The following PTH2R variants were observed in gnomAD, a reference collection of about 807,000 sequenced individuals.
PTH2R encodes the protein parathyroid hormone 2 receptor.
Under a neutral mutation model 60.3 loss-of-function variants are expected in PTH2R, and 59 were observed. The observed-to-expected ratio is 0.98, with a 90% CI of 0.79 to 1.22. PTH2R has a LOEUF of 1.22. Among genes scored for constraint, PTH2R ranks in the 50% most tolerant of loss-of-function variants. The pLI is 0.00. For synonymous variants in PTH2R, 256 were observed against 243.8 expected, an observed-to-expected ratio of 1.05 and a Z score of -0.47; for missense variants, 749 against 682.6, an observed-to-expected ratio of 1.10 and a Z score of -1.08.
upstream of PTH2R, among the ~76,000 whole-genome samples, chr2:208,404,205 T>C (rs1048412980): frequency 2.0e-5 from 3 of 152,198 alleles, no homozygotes; most frequent in East Asian, 5.8e-4. Context: ...AGTTCTCATC[T>C]AATTATTTGA....
chr2:208,467,885 A>G (rs1195820467), intron 9 of PTH2R, among the ~76,000 whole-genome samples: 5 of 152,196 alleles, frequency 3.3e-5, no homozygotes, highest in Admixed American at 2.0e-4. Flanking sequence ...GAAAGTACAT[A>G]CAAGTTTTCT....
intron 10 of PTH2R, among the ~76,000 whole-genome samples, chr2:208,485,218 G>A (rs1283560852): frequency 6.6e-6 from 1 of 152,194 alleles, no homozygotes; most frequent in African/African-American, 2.4e-5. Flanking sequence ...CTCACCTGGA[G>A]AGACATCACC....
intron 7 of PTH2R, among the ~76,000 whole-genome samples, chr2:208,449,022 A>G (rs937079270): frequency 6.6e-6 from 1 of 152,226 alleles, no homozygotes; most frequent in Admixed American, 6.5e-5. Flanking sequence ...AACAGCATTC[A>G]GGAAGTACCT....
At chr2:208,386,016 T>C (rs1429011220) in intron 1 of PTH2R, among the ~76,000 whole-genome samples, 2 of 152,228 alleles carry the variant, frequency 1.3e-5, no homozygotes, top group Non-Finnish European at 2.9e-5. Context: ...AGCAGCTAAA[T>C]TACTGTTCTC....
At chr2:208,364,230 C>A (rs1415125196) in intron 1 of PTH2R, among the ~76,000 whole-genome samples, 1 of 152,058 alleles carries the variant, frequency 6.6e-6, no homozygotes, top group African/African-American at 2.4e-5. Flanking sequence ...TTGATGCAGT[C>A]CCATTTGTCC....
At chr2:208,438,448 G>A (rs1443444393) in intron 4 of PTH2R, among the ~76,000 whole-genome samples, 1 of 152,138 alleles carries the variant, frequency 6.6e-6, no homozygotes, top group Non-Finnish European at 1.5e-5. Context: ...TTAGGTGTTG[G>A]TCAAAGTGAC....
intron 10 of PTH2R, among the ~76,000 whole-genome samples, chr2:208,486,074 A>G (rs569909450): frequency 5.3e-5 from 8 of 152,170 alleles, no homozygotes; most frequent in Admixed American, 3.9e-4. Flanking sequence ...TTAGAAGTGA[A>G]CCCTGAGGCC....
At chr2:208,467,831 C>T (rs1436622424) in intron 9 of PTH2R, among the ~76,000 whole-genome samples, 1 of 152,094 alleles carries the variant, frequency 6.6e-6, no homozygotes. Context: ...GACCAAAGGC[C>T]TATCTAATCT....
At chr2:208,368,176 A>G (rs1700629372) in intron 1 of PTH2R, among the ~76,000 whole-genome samples, 1 of 152,184 alleles carries the variant, frequency 6.6e-6, no homozygotes, top group Admixed American at 6.5e-5. Flanking sequence ...CCTTGGAAGC[A>G]TTGTCCACAC....
intron 9 of PTH2R, among the ~76,000 whole-genome samples, chr2:208,471,189 A>G (rs1702872207): frequency 6.6e-6 from 1 of 152,258 alleles, no homozygotes; most frequent in Non-Finnish European, 1.5e-5. Flanking sequence ...GCAATAAAAA[A>G]GAGAATCCCA....
chr2:208,468,239 T>G (rs1702798552), intron 9 of PTH2R, among the ~76,000 whole-genome samples: 1 of 152,184 alleles, frequency 6.6e-6, no homozygotes, highest in African/African-American at 2.4e-5. Context: ...TTGTTCTGTG[T>G]GGTGAAGCCA....
chr2:208,450,716 A>G, intron 7 of PTH2R, 33 bp from the exon 8 acceptor site: 10 of 1,606,692 alleles, frequency 6.2e-6, no homozygotes, highest in Non-Finnish European at 8.5e-6. Flanking sequence ...ATCTTAAAAT[A>G]AATCTAGTCT....
At chr2:208,473,695 G>T (rs1159039399) in intron 9 of PTH2R, among the ~76,000 whole-genome samples, 1 of 152,012 alleles carries the variant, frequency 6.6e-6, no homozygotes, top group African/African-American at 2.4e-5. Flanking sequence ...GACCTTTATT[G>T]GTGCCTAGGA....
rs564778208 is a variant in PTH2R, at chr2:208,394,965, G to A, written c.-258-33236G>A. ...TGGGACAATAACGAGACTAAAATCT[G>A]GCTGCGGAAGACATCTTACTCCTAA... On this transcript the variant is annotated intron_variant, in intron 1 of 12. Coordinates refer to the PTH2R transcript ENST00000617735. 3.3e-5 allele frequency among the ~76,000 whole-genome samples: 5 copies of A among 152,222 alleles called. No individual in the cohort carries two copies. In the South Asian group the frequency reaches 6.2e-4, roughly 19 times the overall value.
intron 1 of PTH2R, among the ~76,000 whole-genome samples, chr2:208,407,781 T>G (rs2105831551): frequency 6.6e-6 from 1 of 152,094 alleles, no homozygotes; most frequent in Non-Finnish European, 1.5e-5. Flanking sequence ...AAATGTAGGG[T>G]TTACAGTCAG....
intron 1 of PTH2R, among the ~76,000 whole-genome samples, chr2:208,368,301 A>C (rs1700631824): frequency 6.6e-6 from 1 of 152,136 alleles, no homozygotes. Flanking sequence ...CATATTTCTC[A>C]TGTCAACCTA....
At chr2:208,478,462 C>T (rs368318248) in intron 9 of PTH2R, among the ~76,000 whole-genome samples, 32 of 152,202 alleles carry the variant, frequency 2.1e-4, no homozygotes, top group African/African-American at 7.2e-4. Context: ...TAGCGATTTC[C>T]ACTCTTATAT....
At chr2:208,414,065 G>GT (rs1216916853) in intron 1 of PTH2R, among the ~76,000 whole-genome samples, 1 of 152,144 alleles carries the variant, frequency 6.6e-6, no homozygotes, top group Non-Finnish European at 1.5e-5. Flanking sequence ...AGGGCCCACT[G>GT]TTTTACTGGG....
At chr2:208,439,058 T>C (rs902697276) in intron 4 of PTH2R, among the ~76,000 whole-genome samples, 7 of 152,152 alleles carry the variant, frequency 4.6e-5, no homozygotes, top group Middle Eastern at 3.2e-3. Flanking sequence ...GAAACAAACA[T>C]TCACTGATAC....
Sources: gnomAD v4.1 joint callset for allele counts (sites outside exome capture counted in the v4.1 genomes callset) on GRCh38, gnomAD v4.1.1 for gene constraint, MANE v1.5 for transcripts, NCBI Gene and HGNC (gene_info 2026-07-23, HGNC 2026-07-21) for gene names.